The following PAPOLG variants were observed in gnomAD, a reference collection of about 807,000 sequenced individuals.
PAPOLG encodes PAP-gamma.
Under a neutral mutation model 99.0 loss-of-function variants are expected in PAPOLG, and 40 were observed. That is an observed-to-expected ratio of 0.40 (90% confidence interval 0.31 to 0.53). PAPOLG has a LOEUF of 0.53. PAPOLG is among the 20% of genes least tolerant of loss of function. The pLI is 0.41. For missense variants in PAPOLG, 675 were observed against 884.1 expected (o/e 0.76, Z 3.00); for synonymous variants, 310 against 299.3 (o/e 1.04, Z -0.37).
intron 8 of PAPOLG, among the ~76,000 whole-genome samples, chr2:60,779,151 G>A (rs570502538): frequency 3.9e-5 from 6 of 151,988 alleles, no homozygotes; most frequent in South Asian, 2.1e-4. Flanking sequence ...TTATGGAGAG[G>A]TATCCAAATT....
chr2:60,792,423 T>G (rs1671569638), intron 17 of PAPOLG, 134 bp downstream of exon 17: 1 of 881,398 alleles, frequency 1.1e-6, no homozygotes, highest in East Asian at 2.7e-5. Context: ...GCTGGTCAAT[T>G]TCTTGCTTAG....
chr2:60,776,581 C>T (rs1671028595), intron 8 of PAPOLG, among the ~76,000 whole-genome samples: 1 of 152,044 alleles, frequency 6.6e-6, no homozygotes, highest in African/African-American at 2.4e-5. Context: ...GCATGTGCCA[C>T]CACACCTGGC....
intron 1 of PAPOLG, among the ~76,000 whole-genome samples, chr2:60,756,831 G>A (rs1036901843): frequency 6.6e-6 from 1 of 152,164 alleles, no homozygotes; most frequent in African/African-American, 2.4e-5. Context: ...GAGCCCGTCT[G>A]CTCCTGTCTG....
intron 14 of PAPOLG, 105 bp from the exon 15 acceptor site, chr2:60,787,406 T>G (rs1302291420): frequency 7.4e-7 from 1 of 1,352,894 alleles, no homozygotes; most frequent in African/African-American, 1.5e-5. Flanking sequence ...AAATCTGTAT[T>G]TGTGAGATAG....
chr2:60,797,208 A>T lies in PAPOLG; in HGVS notation c.*48A>T, dbSNP rs367970472. 5 of 1,595,168 alleles carry T rather than the reference A, an allele frequency of 3.1e-6. No individual in the cohort carries two copies. The highest frequency in any genetic ancestry group is 4.3e-6 in the Non-Finnish European group (5 of 1,164,072). The stretch of plus-strand genomic sequence containing the variant: ...TGAACAAGCAATCATTTAGTGGCAT[A>T]GATGCAGCCACTTGTTTTTTAAATA... On this transcript the variant is annotated 3_prime_UTR_variant, in exon 22 of 22. Coordinates refer to ENST00000238714, the MANE Select transcript of PAPOLG (RefSeq NM_022894.4).
chr2:60,761,904 T>A (rs1558675243), intron 3 of PAPOLG, 97 bp downstream of exon 3: 9 of 882,854 alleles, frequency 1.0e-5, no homozygotes, highest in Non-Finnish European at 1.6e-5. Context: ...CTGAAATACA[T>A]CAAAGCTTGG....
At chr2:60,757,682 G>C (rs935216432) in intron 1 of PAPOLG, among the ~76,000 whole-genome samples, 1 of 152,114 alleles carries the variant, frequency 6.6e-6, no homozygotes, top group Non-Finnish European at 1.5e-5. Context: ...TTTCCTGTTA[G>C]TGACTATTTT....
At chr2:60,762,672 G>A (rs1023145054) in intron 3 of PAPOLG, among the ~76,000 whole-genome samples, 2 of 151,702 alleles carry the variant, frequency 1.3e-5, no homozygotes, top group Non-Finnish European at 2.9e-5. Flanking sequence ...TTTGGCCAAG[G>A]CTGGAATGCA....
At chr2:60,781,293 G>A (rs767958158) in intron 10 of PAPOLG, among the ~76,000 whole-genome samples, 1 of 152,012 alleles carries the variant, frequency 6.6e-6, no homozygotes, top group Non-Finnish European at 1.5e-5. Flanking sequence ...AGAGGCACAG[G>A]TTGCAGTGAG....
chr2:60,768,158 A>G (rs562126889), intron 3 of PAPOLG, among the ~76,000 whole-genome samples: 100 of 152,214 alleles, frequency 6.6e-4, no homozygotes, highest in African/African-American at 2.3e-3. Context: ...ACTGGAGTGC[A>G]ATGGCACAAT....
intron 9 of PAPOLG, 110 bp downstream of exon 9, chr2:60,779,885 T>C: frequency 1.0e-6 from 1 of 960,256 alleles, no homozygotes; most frequent in Non-Finnish European, 1.5e-6. Context: ...TTACATTGCT[T>C]TGTAAAGTTG....
intron 16 of PAPOLG, 104 bp from the exon 17 acceptor site, chr2:60,792,025 C>A: frequency 6.9e-7 from 1 of 1,452,722 alleles, no homozygotes; most frequent in Non-Finnish European, 9.3e-7. Context: ...ATCTCATTTT[C>A]ATTAATCACA....
chr2:60,790,651 C>T (rs1671503861), intron 15 of PAPOLG, among the ~76,000 whole-genome samples: 1 of 152,198 alleles, frequency 6.6e-6, no homozygotes. Context: ...TGTTTAGCCT[C>T]CTTTTCTCAA....
In PAPOLG at chr2:60,768,900, C is replaced by T; in HGVS notation, c.438+10C>T. ...CATTAGAAACTTAAGAGTAAGTATC[C>T]TCTGGCATTTAATATTTTGAATTTA... On this transcript the variant is annotated intron_variant, in intron 5 of 21. Coordinates refer to ENST00000238714, the MANE Select transcript of PAPOLG (RefSeq NM_022894.4). The T allele has an allele frequency of 6.5e-7, 1 of 1,541,076 alleles. No homozygotes were observed. The highest frequency in any genetic ancestry group is 8.8e-7 in the Non-Finnish European group (1 of 1,140,542).
chr2:60,793,815 G>A, intron 18 of PAPOLG, 100 bp downstream of exon 18: 2 of 1,475,570 alleles, frequency 1.4e-6, no homozygotes, highest in Non-Finnish European at 1.8e-6. Context: ...GGAGGCTAAG[G>A]TGGGAGGGTC....
intron 1 of PAPOLG, 24 bp downstream of exon 1, chr2:60,756,519 G>A: frequency 6.3e-7 from 1 of 1,591,004 alleles, no homozygotes. Flanking sequence ...GGCGGCGGTT[G>A]GGGTGAGGCG....
chr2:60,764,416 GA>G (rs1437656988), intron 3 of PAPOLG, among the ~76,000 whole-genome samples: 1 of 150,936 alleles, frequency 6.6e-6, no homozygotes, highest in Non-Finnish European at 1.5e-5. Flanking sequence ...AACAACTGCA[GA>G]TTTTTTTTTT....
chr2:60,768,472 C>A lies in PAPOLG; in HGVS notation c.249C>A (p.Asn83Lys). The change falls in exon 4 of 22, where the codon AAC becomes AAA. Residue 83 changes from asparagine (N) to lysine (K), a missense_variant and splice_region_variant. Physicochemically the swap from Asn to Lys is moderately conservative, Grantham distance 94. Around this residue, in one of 3 missense-constraint regions of PAPOLG, gnomAD observed 149 missense variants for 192.1 expected, o/e 0.78. Coordinates refer to ENST00000238714, the MANE Select transcript of PAPOLG (RefSeq NM_022894.4). ...EWISDVSESK[N>K]LPPSVVATVG... ...TCTTCCGCTTAATTTTATTTTAGAA[C>A]CTCCCACCTTCTGTTGTGGCTACTG... The A allele has an allele frequency of 1.2e-6, 2 of 1,613,634 alleles. No homozygotes were observed. The highest frequency in any genetic ancestry group is 1.7e-6 in the Non-Finnish European group (2 of 1,179,774).
At chr2:60,763,644 C>T (rs903589981) in intron 3 of PAPOLG, among the ~76,000 whole-genome samples, 9 of 152,082 alleles carry the variant, frequency 5.9e-5, no homozygotes, top group African/African-American at 2.2e-4. Flanking sequence ...GCTGGGGCTA[C>T]AGGTGCACAC....
Sources: gnomAD v4.1 joint callset for allele counts (sites outside exome capture counted in the v4.1 genomes callset) on GRCh38, gnomAD v4.1.1 for gene constraint, gnomAD v4.1.1 regional missense constraint, MANE v1.5 for transcripts, NCBI Gene and HGNC (gene_info 2026-07-23, HGNC 2026-07-21) for gene names.